Variants in FBXL7 observed in about 807,000 individuals in gnomAD.
FBXL7 encodes the protein F-box/LRR-repeat protein 7.
A neutral mutation model predicts 38.3 loss-of-function variants in FBXL7; 12 were observed. The observed-to-expected ratio is 0.31, with a 90% CI of 0.20 to 0.51. The LOEUF (loss-of-function observed/expected upper bound fraction) is 0.51. Among genes scored for constraint, FBXL7 ranks in the 20% least tolerant of loss-of-function variants. FBXL7 has a pLI of 0.98. For synonymous variants in FBXL7, 297 were observed against 300.9 expected (o/e 0.99, Z 0.13); for missense variants, 567 against 676.4 (o/e 0.84, Z 1.79).
intron 2 of FBXL7, among the ~76,000 whole-genome samples, chr5:15,870,182 TA>T (rs1314277059): frequency 6.6e-6 from 1 of 152,010 alleles, no homozygotes; most frequent in Non-Finnish European, 1.5e-5. Flanking sequence ...CCTACCAACC[TA>T]AATGATCCAT....
Position 15,500,690 on chromosome 5 carries a change from A to G in FBXL7, c.14A>G (p.Asn5Ser). The G allele has an allele frequency of 2.5e-6, 4 of 1,611,608 alleles. No homozygotes were observed. Among genetic ancestry groups the G allele is most frequent in the Non-Finnish European group, 3.4e-6 (4 of 1,178,676 alleles). Residue 5 changes from asparagine (N) to serine (S), a missense_variant, in exon 1 of 4, where the codon AAT (asparagine) becomes AGT (serine). Asn to Ser is a conservative substitution (Grantham distance 46). Transcript: ENST00000504595. MGAN[N>S]GKQYGSEGKG... is the part of the protein sequence containing the mutation. Reference sequence around the variant, plus strand: ...GACGGCTACAGGATGGGCGCGAACAATGGCAAACAGTACGGCAGTGAGGGT... The same window carrying G: ...GACGGCTACAGGATGGGCGCGAACAGTGGCAAACAGTACGGCAGTGAGGGT...
intron 2 of FBXL7, among the ~76,000 whole-genome samples, chr5:15,896,183 C>T (rs949469373): frequency 7.9e-5 from 12 of 152,160 alleles, no homozygotes; most frequent in African/African-American, 2.9e-4. Context: ...TGCCACCATG[C>T]CTGGCTAATT....
At chr5:15,603,590 G>A (rs919746623) in intron 1 of FBXL7, among the ~76,000 whole-genome samples, 3 of 152,174 alleles carry the variant, frequency 2.0e-5, no homozygotes, top group Admixed American at 6.5e-5. Flanking sequence ...GGCTTATAGC[G>A]ATTTTAAAGA....
chr5:15,568,151 A>G (rs1254507479), intron 1 of FBXL7, among the ~76,000 whole-genome samples: 1 of 152,046 alleles, frequency 6.6e-6, no homozygotes, highest in Non-Finnish European at 1.5e-5. Context: ...TTCTAGTTCT[A>G]GATCCCTGAG....
At chr5:15,885,372 G>T (rs902778267) in intron 2 of FBXL7, among the ~76,000 whole-genome samples, 1 of 152,162 alleles carries the variant, frequency 6.6e-6, no homozygotes, top group Non-Finnish European at 1.5e-5. Context: ...AACCTTGGAA[G>T]TGACATCTTA....
At chr5:15,554,196 C>T (rs1028009425) in intron 1 of FBXL7, among the ~76,000 whole-genome samples, 8 of 152,162 alleles carry the variant, frequency 5.3e-5, no homozygotes, top group African/African-American at 4.8e-5. Context: ...AGGTGGTAGG[C>T]GTGGGTGAGC....
intron 3 of FBXL7, chr5:15,935,406 C>A: frequency 2.8e-6 from 1 of 362,126 alleles, no homozygotes; most frequent in South Asian, 1.9e-5. Flanking sequence ...TGCACAGGGG[C>A]AAGCTTCGAG....
chr5:15,509,896 G>A (rs79919090), intron 1 of FBXL7, among the ~76,000 whole-genome samples: 1,892 of 152,282 alleles, frequency 0.012, 20 homozygotes, highest in Middle Eastern at 0.051. Context: ...CTTCTAAAAC[G>A]TGCTAGTTAA....
At chr5:15,903,287 T>A (rs1408742352) in intron 2 of FBXL7, among the ~76,000 whole-genome samples, 1 of 152,036 alleles carries the variant, frequency 6.6e-6, no homozygotes, top group East Asian at 1.9e-4. Context: ...AATTCAGGGG[T>A]TGGGAGAAGG....
At chr5:15,721,073 G>T (rs1448671232) in intron 2 of FBXL7, among the ~76,000 whole-genome samples, 1 of 151,938 alleles carries the variant, frequency 6.6e-6, no homozygotes, top group African/African-American at 2.4e-5. Context: ...ATGCAATTTT[G>T]CTCTTAGGAT....
At position 15,629,114 on chromosome 5, in the gene FBXL7, CAA is replaced by C. The variant is rs61037630; in HGVS notation, c.127+13054_127+13055del. On this transcript the variant is annotated intron_variant, in intron 2 of 3. Transcript: ENST00000504595. ...GCAACAGGGTGAGACCTCGTTTCTA[CAA>C]AAAAAAAAAAATTGAGAAAATTACT... Among the ~76,000 whole-genome samples, 25 of 140,094 alleles carry C rather than the reference CAA, an allele frequency of 1.8e-4. No individual in the cohort carries two copies. In the East Asian group the frequency reaches 3.9e-3, roughly 22 times the overall value. The allele number at this position is 140,094 out of a possible 152,430, so 91.9% of individuals were successfully genotyped here.
chr5:15,916,006 A>G (rs1040796667), intron 2 of FBXL7, among the ~76,000 whole-genome samples: 1 of 152,204 alleles, frequency 6.6e-6, no homozygotes, highest in African/African-American at 2.4e-5. Flanking sequence ...TGGGAGGCAG[A>G]CCTGATGAAT....
At chr5:15,845,194 T>G (rs1466360583) in intron 2 of FBXL7, among the ~76,000 whole-genome samples, 1 of 152,220 alleles carries the variant, frequency 6.6e-6, no homozygotes, top group Non-Finnish European at 1.5e-5. Flanking sequence ...TCTTTCAACT[T>G]GAGGAAGCAC....
chr5:15,621,109 T>C (rs1019824147), intron 2 of FBXL7, among the ~76,000 whole-genome samples: 9 of 152,322 alleles, frequency 5.9e-5, no homozygotes, highest in African/African-American at 2.2e-4. Context: ...ACTGGGAGTG[T>C]TCCATTCCAA....
At chr5:15,685,398 G>A (rs1426369818) in intron 2 of FBXL7, among the ~76,000 whole-genome samples, 1 of 152,198 alleles carries the variant, frequency 6.6e-6, no homozygotes, top group African/African-American at 2.4e-5. Context: ...TCTCAAGATT[G>A]TATGAGGGAG....
chr5:15,876,769 A>C lies in FBXL7; in HGVS notation c.128-51121A>C, dbSNP rs544584706. 1.2e-4 allele frequency among the ~76,000 whole-genome samples: 18 copies of C among 152,342 alleles called. 1 individual carries two copies. In the South Asian group the frequency reaches 3.5e-3, roughly 30 times the overall value. The stretch of plus-strand genomic sequence containing the variant: ...TTATTTCAATTTCTTTAAAATAAGC[A>C]ATTAGAAAACTAAAGTCAGGTAATG... On this transcript the variant is annotated intron_variant, in intron 2 of 3. Transcript: ENST00000504595.
chr5:15,753,760 G>T (rs186786310), intron 2 of FBXL7, among the ~76,000 whole-genome samples: 1 of 152,254 alleles, frequency 6.6e-6, no homozygotes, highest in East Asian at 1.9e-4. Context: ...AAAAATAATG[G>T]AATTAAGCAG....
At position 15,803,617 on chromosome 5, in the gene FBXL7, T is replaced by C. The variant is rs557124623; in HGVS notation, c.128-124273T>C. 3.6e-4 allele frequency among the ~76,000 whole-genome samples: 54 copies of C among 152,004 alleles called. 1 individual carries two copies. Among genetic ancestry groups the C allele is most frequent in the South Asian group, 2.7e-3 (13 of 4,792 alleles). ...CTTTCTCTCTGCATTCCTTCTAATG[T>C]TTTATAATGTGTCACATTTCATGCA... On this transcript the variant is annotated intron_variant, in intron 2 of 3. Transcript: ENST00000504595.
intron 1 of FBXL7, among the ~76,000 whole-genome samples, chr5:15,514,335 C>CT: frequency 6.6e-6 from 1 of 152,278 alleles, no homozygotes; most frequent in East Asian, 1.9e-4. Context: ...AAGATCATCT[C>CT]TTTGCATTCA....
Sources: allele counts gnomAD v4.1 joint callset (sites outside exome capture counted in the v4.1 genomes callset), GRCh38; gene constraint gnomAD v4.1.1; transcripts MANE v1.5; gene names NCBI Gene and HGNC (gene_info 2026-07-23, HGNC 2026-07-21).